Variants in NFAT5 observed in about 807,000 individuals in gnomAD.
The protein encoded by NFAT5 is nuclear factor of activated T cells 5.
NFAT5 carries 31 observed loss-of-function variants against 166.5 expected under a neutral mutation model. The ratio of observed to expected loss-of-function variants is 0.19; its 90% CI spans 0.14 to 0.25. The LOEUF is 0.25. Ranked by LOEUF, NFAT5 falls within the 10% of genes least tolerant of loss-of-function variation. The pLI is 1.00. For synonymous variants in NFAT5, 612 were observed against 639.7 expected, an observed-to-expected ratio of 0.96 and a Z score of 0.65; for missense variants, 1,449 against 1,821.8, an observed-to-expected ratio of 0.80 and a Z score of 3.72.
In NFAT5 at chr16:69,647,081, A is replaced by C. The variant is rs765933947; in HGVS notation, c.307A>C (p.Thr103Pro). The change falls in exon 4 of 15, where the codon ACC (threonine) becomes CCC (proline). Residue 103 changes from threonine to proline, a missense_variant. Around this residue, in one of 7 missense-constraint regions of NFAT5, gnomAD observed 172 missense variants for 194.5 expected, o/e 0.88. Coordinates refer to ENST00000349945, the MANE Select transcript of NFAT5 (RefSeq NM_138713.4). The surrounding 1 kb of genome is among the most constrained non-coding windows in gnomAD (Gnocchi z 4.8). ...SSMGGACSSFTTSSSPTIYST... is the reference protein window; with the variant it reads ...SSMGGACSSFPTSSSPTIYST... ...CATGGGCGGTGCTTGCAGCTCCTTT[A>C]CCACCTCTTCCAGCCCTACCATTTA... 6.2e-7 allele frequency: 1 copy of C among 1,608,548 alleles called. No individual in the cohort carries two copies. Among genetic ancestry groups the C allele is most frequent in the Non-Finnish European group, 8.5e-7 (1 of 1,176,244 alleles).
intron 7 of NFAT5, among the ~76,000 whole-genome samples, chr16:69,662,023 G>T (rs1006593030): frequency 1.9e-4 from 29 of 152,238 alleles, no homozygotes; most frequent in Admixed American, 8.5e-4. Flanking sequence ...AGGAGTTTCA[G>T]ATTAGCTTGG....
chr16:69,692,179 G>T lies in NFAT5; in HGVS notation c.2354G>T (p.Ser785Ile), dbSNP rs1243011068. ...TCAAATATTTTTCCATCACCAAATA[G>T]TGTGAGTCAGCTTCAGAATACTATT... ...ISSNIFPSPN[S>I]VSQLQNTIQQ... The change falls in exon 13 of 15, where the codon AGT becomes ATT. Residue 785 changes from serine to isoleucine, a missense_variant. Around this residue, in one of 7 missense-constraint regions of NFAT5, gnomAD observed 891 missense variants for 993.0 expected, o/e 0.90. Transcript: ENST00000349945. 6.2e-7 allele frequency: 1 copy of T among 1,614,086 alleles called. No individual in the cohort carries two copies. The highest frequency in any genetic ancestry group is 8.5e-7 in the Non-Finnish European group (1 of 1,180,054).
At chr16:69,644,775 A>G (rs1401063555) in intron 3 of NFAT5, 8 of 442,152 alleles carry the variant, frequency 1.8e-5, no homozygotes, top group African/African-American at 1.6e-4. Context: ...TTTCACCTGT[A>G]CTTTCCATCT....
intron 4 of NFAT5, chr16:69,649,166 GCAGGTAAATACTT>G (rs2035569369): frequency 2.1e-6 from 2 of 936,828 alleles, no homozygotes; most frequent in African/African-American, 3.6e-5. Context: ...AATGAATACA[GCAGGTAAATACTT>G]AAGTAACTGT....
At chr16:69,598,287 T>G (rs534405846) in intron 2 of NFAT5, among the ~76,000 whole-genome samples, 1 of 148,020 alleles carries the variant, frequency 6.8e-6, no homozygotes, top group East Asian at 2.0e-4. Flanking sequence ...CTGAAGTAGG[T>G]GGATCACTTG....
intron 10 of NFAT5, among the ~76,000 whole-genome samples, chr16:69,680,080 T>C (rs2036994629): frequency 6.6e-6 from 1 of 152,184 alleles, no homozygotes; most frequent in East Asian, 1.9e-4. Context: ...ATTGCGCCAG[T>C]GTACTCCAGC....
In NFAT5 at chr16:69,698,057, T is replaced by C. The variant is rs959526267; in HGVS notation, c.*1706T>C. 5 of 152,410 alleles carry C rather than the reference T, an allele frequency of 3.3e-5. No homozygotes were observed. The highest frequency in any genetic ancestry group is 1.2e-4 in the African/African-American group (5 of 41,432). The allele number at this position is 152,410 out of a possible 1,614,324, so 9.4% of individuals were successfully genotyped here. On this transcript the variant is annotated 3_prime_UTR_variant, in exon 15 of 15. Coordinates refer to ENST00000349945, the MANE Select transcript of NFAT5 (RefSeq NM_138713.4). ...TTTGTTTTGTGATGATCTTCCTTTGTTCTTTGAATGTGCTCTTTTGTCTTT... is the reference window on the plus strand; with the variant it reads ...TTTGTTTTGTGATGATCTTCCTTTGCTCTTTGAATGTGCTCTTTTGTCTTT...
rs2035465149 is a variant in NFAT5 at position 69,647,052 on chromosome 16, C to T, written c.278C>T (p.Ser93Phe). Reference protein sequence around the residue: ...AADASSAPSSSSMGGACSSFT... With the variant: ...AADASSAPSSFSMGGACSSFT... The stretch of plus-strand genomic sequence containing the variant: ...GATGCTTCTTCAGCTCCCTCCTCTT[C>T]CTCCATGGGCGGTGCTTGCAGCTCC... Residue 93 changes from serine to phenylalanine, a missense_variant, in exon 4 of 15, where the codon TCC becomes TTC. Ser to Phe is a radical substitution (Grantham distance 155). Coordinates refer to ENST00000349945, the MANE Select transcript of NFAT5 (RefSeq NM_138713.4). This position sits in a 1 kb window ranked among gnomAD's most constrained non-coding sequence, Gnocchi z 4.8. The T allele has an allele frequency of 6.3e-7, 1 of 1,589,998 alleles. No individual in the cohort carries two copies. Among genetic ancestry groups the T allele is most frequent in the Non-Finnish European group, 8.6e-7 (1 of 1,164,896 alleles).
At chr16:69,638,735 C>CAAA (rs34075469) in intron 3 of NFAT5, among the ~76,000 whole-genome samples, 2 of 88,160 alleles carry the variant, frequency 2.3e-5, no homozygotes, top group East Asian at 2.8e-4. Context: ...GACTCGGTCT[C>CAAA]AAAAAAAAAA....
At chr16:69,567,151 G>A (rs2016115283) in intron 1 of NFAT5, among the ~76,000 whole-genome samples, 1 of 152,208 alleles carries the variant, frequency 6.6e-6, no homozygotes, top group Admixed American at 6.5e-5. Context: ...CCCAGGCACA[G>A]ACGCTGTCCT....
rs566260298 is a variant in NFAT5 at position 69,698,751 on chromosome 16, A to G, written c.*2400A>G. On this transcript the variant is annotated 3_prime_UTR_variant, in exon 15 of 15. Coordinates refer to ENST00000349945, the MANE Select transcript of NFAT5 (RefSeq NM_138713.4). ...TTGCTCACTATATATTTAATATTTTATTATTGTTGTTATTGTTATTATTAA... is the reference window on the plus strand; with the variant it reads ...TTGCTCACTATATATTTAATATTTTGTTATTGTTGTTATTGTTATTATTAA... 2 of 152,538 alleles carry G rather than the reference A, an allele frequency of 1.3e-5. No individual in the cohort carries two copies. The highest frequency in any genetic ancestry group is 2.4e-5 in the African/African-American group (1 of 41,432). The allele number at this position is 152,538 out of a possible 1,614,324, so 9.4% of individuals were successfully genotyped here.
intron 2 of NFAT5, among the ~76,000 whole-genome samples, chr16:69,573,143 C>T (rs2016538393): frequency 6.6e-6 from 1 of 152,076 alleles, no homozygotes; most frequent in Non-Finnish European, 1.5e-5. Flanking sequence ...CATCCGGCCA[C>T]AATCTTTGTT....
In NFAT5 at chr16:69,690,926, G is replaced by A; in HGVS notation, c.1775-14G>A. The A allele has an allele frequency of 6.8e-7, 1 of 1,469,802 alleles. No individual in the cohort carries two copies. The highest frequency in any genetic ancestry group is 9.0e-7 in the Non-Finnish European group (1 of 1,106,332). The allele number at this position is 1,469,802 out of a possible 1,614,324, so 91.0% of individuals were successfully genotyped here. On this transcript the variant is annotated splice_polypyrimidine_tract_variant and intron_variant, in intron 11 of 14. Coordinates refer to ENST00000349945, the MANE Select transcript of NFAT5 (RefSeq NM_138713.4). ...TGATTTTAAACTTTTCTTTTTGTGTGTGTGTATATGCAGCAATGAAAACTA... is the reference window on the plus strand; with the variant it reads ...TGATTTTAAACTTTTCTTTTTGTGTATGTGTATATGCAGCAATGAAAACTA...
chr16:69,673,140 G>A (rs1221531535), intron 9 of NFAT5, among the ~76,000 whole-genome samples: 3 of 152,076 alleles, frequency 2.0e-5, no homozygotes. Flanking sequence ...AATAAGACAC[G>A]TGGTGGAATG....
At chr16:69,664,763 C>T (rs75384740) in intron 7 of NFAT5, among the ~76,000 whole-genome samples, 24,317 of 152,132 alleles carry the variant, frequency 0.16, 2,134 homozygotes, top group East Asian at 0.36. Flanking sequence ...CGCAGTGGCT[C>T]ACGCCTGTAA....
At chr16:69,688,849 A>G (rs954361984) in intron 11 of NFAT5, among the ~76,000 whole-genome samples, 2 of 150,914 alleles carry the variant, frequency 1.3e-5, no homozygotes, top group East Asian at 1.9e-4. Flanking sequence ...TTCAAAAGCA[A>G]GAATAGTAGT....
At position 69,692,579 on chromosome 16, in the gene NFAT5, G is replaced by A; in HGVS notation, c.2754G>A (p.Met918Ile). 6.2e-7 allele frequency: 1 copy of A among 1,614,182 alleles called. No homozygotes were observed. Among genetic ancestry groups the A allele is most frequent in the Non-Finnish European group, 8.5e-7 (1 of 1,180,032 alleles). Reference protein sequence around the residue: ...MESSAAMVMEMQQSICQAAAQ... With the variant: ...MESSAAMVMEIQQSICQAAAQ... ...CTTCAGCCGCAATGGTGATGGAGAT[G>A]CAACAGAGTATCTGCCAGGCAGCTG... Residue 918 changes from methionine to isoleucine, a missense_variant, in exon 13 of 15, where the codon ATG (methionine) becomes ATA (isoleucine). This residue lies in a region of NFAT5 where 891 missense variants were observed against 993.0 expected (regional missense o/e 0.90). Transcript: ENST00000349945.
chr16:69,569,228 A>G (rs1597326103), intron 2 of NFAT5, among the ~76,000 whole-genome samples: 2 of 152,148 alleles, frequency 1.3e-5, no homozygotes, highest in Admixed American at 1.3e-4. Context: ...GATTTCACAT[A>G]TATCATCTTT....
chr16:69,687,630 C>T (rs897422914), intron 11 of NFAT5, among the ~76,000 whole-genome samples: 4 of 152,122 alleles, frequency 2.6e-5, no homozygotes, highest in African/African-American at 7.2e-5. Context: ...TCAACTTTCT[C>T]TACCTAGTCT....
Sources: gnomAD v4.1 joint callset for allele counts (sites outside exome capture counted in the v4.1 genomes callset) on GRCh38, gnomAD v4.1.1 for gene constraint, gnomAD v4.1.1 regional missense constraint, Gnocchi (gnomAD v3.1) non-coding constraint, MANE v1.5 for transcripts, NCBI Gene and HGNC (gene_info 2026-07-23, HGNC 2026-07-21) for gene names.